Variants in AKAP6 observed in about 807,000 individuals in gnomAD.
The protein encoded by AKAP6 is A-kinase anchor protein 6.
Under a neutral mutation model 188.5 loss-of-function variants are expected in AKAP6, and 58 were observed. That is an observed-to-expected ratio of 0.31 (90% CI 0.25 to 0.38). The LOEUF (loss-of-function observed/expected upper bound fraction) is 0.38. Ranked by LOEUF, AKAP6 falls within the 10% of genes least tolerant of loss-of-function variation. AKAP6 has a pLI of 1.00. For synonymous variants in AKAP6, 989 were observed against 998.6 expected, an observed-to-expected ratio of 0.99 and a Z score of 0.18; for missense variants, 2,710 against 2,740.0, an observed-to-expected ratio of 0.99 and a Z score of 0.24.
intron 4 of AKAP6, among the ~76,000 whole-genome samples, chr14:32,565,500 T>A (rs1484339357): frequency 6.6e-6 from 1 of 152,212 alleles, no homozygotes; most frequent in Non-Finnish European, 1.5e-5. Flanking sequence ...CCATGTCCAC[T>A]GAGCTGCTTT....
chr14:32,807,838 C>A (rs1347219083), intron 12 of AKAP6, among the ~76,000 whole-genome samples: 1 of 152,186 alleles, frequency 6.6e-6, no homozygotes, highest in Non-Finnish European at 1.5e-5. Context: ...AAAGATCATT[C>A]CTTAACTATT....
intron 11 of AKAP6, among the ~76,000 whole-genome samples, chr14:32,748,944 A>G (rs1468704620): frequency 6.6e-6 from 1 of 152,168 alleles, no homozygotes; most frequent in African/African-American, 2.4e-5. Context: ...GTGCACACAC[A>G]AGTGTACACA....
chr14:32,668,471 T>G (rs1427129733), intron 7 of AKAP6, among the ~76,000 whole-genome samples: 3 of 152,132 alleles, frequency 2.0e-5, no homozygotes. Flanking sequence ...GGTGTTAATG[T>G]TAATTTCTCA....
intron 1 of AKAP6, among the ~76,000 whole-genome samples, chr14:32,389,538 T>C (rs1888640415): frequency 6.6e-6 from 1 of 152,156 alleles, no homozygotes; most frequent in African/African-American, 2.4e-5. Context: ...TAGTGGTGGT[T>C]GGTATTGGTG....
chr14:32,511,237 T>G (rs944079231), intron 2 of AKAP6, among the ~76,000 whole-genome samples: 1 of 152,252 alleles, frequency 6.6e-6, no homozygotes, highest in Non-Finnish European at 1.5e-5. Flanking sequence ...TCTAGCTTTC[T>G]CTGTCTTCCA....
chr14:32,759,808 C>A (rs1310179788), intron 11 of AKAP6, among the ~76,000 whole-genome samples: 1 of 152,070 alleles, frequency 6.6e-6, no homozygotes, highest in African/African-American at 2.4e-5. Flanking sequence ...GAAGACAGCA[C>A]CAAATCGTGA....
At chr14:32,397,011 T>A (rs1307619380) in intron 1 of AKAP6, among the ~76,000 whole-genome samples, 1 of 152,080 alleles carries the variant, frequency 6.6e-6, no homozygotes, top group African/African-American at 2.4e-5. Flanking sequence ...TGAAAGACAA[T>A]TTGGCAGGTA....
At chr14:32,723,638 A>T (rs1429925524) in intron 9 of AKAP6, among the ~76,000 whole-genome samples, 6 of 151,340 alleles carry the variant, frequency 4.0e-5, no homozygotes, top group African/African-American at 1.2e-4. Context: ...ACCCATGTTG[A>T]AGCCGTATTT....
intron 12 of AKAP6, among the ~76,000 whole-genome samples, chr14:32,811,648 T>C (rs1486980589): frequency 6.6e-6 from 1 of 152,176 alleles, no homozygotes; most frequent in Non-Finnish European, 1.5e-5. Context: ...AGTGTCAACG[T>C]TGGATTAAAT....
At chr14:32,814,640 C>A (rs147728846) in intron 12 of AKAP6, among the ~76,000 whole-genome samples, 1 of 152,210 alleles carries the variant, frequency 6.6e-6, no homozygotes, top group African/African-American at 2.4e-5. Context: ...CCCTCAGAAC[C>A]TTTCTCCAGA....
intron 9 of AKAP6, among the ~76,000 whole-genome samples, chr14:32,719,999 C>T (rs528761559): frequency 6.6e-6 from 1 of 152,316 alleles, no homozygotes; most frequent in East Asian, 1.9e-4. Flanking sequence ...CAACCATACA[C>T]ATCCATAGTT....
Position 32,823,707 on chromosome 14 carries a change from C to T in AKAP6, c.5894C>T (p.Pro1965Leu). The part of the protein sequence containing the change: ...QDVRHLPKKC[P>L]NHHHFENQST... ...GTTAGACATCTTCCAAAGAAATGTCCAAATCACCACCATTTTGAAAATCAA... is the reference window on the plus strand; with the variant it reads ...GTTAGACATCTTCCAAAGAAATGTCTAAATCACCACCATTTTGAAAATCAA... Residue 1965 changes from proline (P) to leucine (L), a missense_variant, in exon 13 of 14, where the codon CCA (proline) becomes CTA (leucine). Physicochemically the swap from Pro to Leu is moderately conservative, Grantham distance 98 (BLOSUM62 -3). Transcript: ENST00000280979. 1.9e-6 allele frequency: 3 copies of T among 1,613,704 alleles called. No individual in the cohort carries two copies. Among genetic ancestry groups the T allele is most frequent in the South Asian group, 1.1e-5 (1 of 91,050 alleles).
At chr14:32,360,182 C>T (rs1436752739) in intron 1 of AKAP6, among the ~76,000 whole-genome samples, 1 of 151,494 alleles carries the variant, frequency 6.6e-6, no homozygotes, top group African/African-American at 2.4e-5. Context: ...GGCTGGAGTG[C>T]AGTGGTGCAA....
Position 32,568,600 on chromosome 14 carries a change from G to T in AKAP6, c.2347-8520G>T, listed in dbSNP as rs190616020. On this transcript the variant is annotated intron_variant, in intron 4 of 13. Transcript: ENST00000280979. The surrounding 1 kb of genome is among the most constrained non-coding windows in gnomAD (Gnocchi z 6.2). ...GCTTATCCAGTGTCTTGGAGGATTG[G>T]GGGTGCTTGAAGCAAGGTCTCACCT... Among the ~76,000 whole-genome samples the T allele has an allele frequency of 3.5e-4, 54 of 152,204 alleles. No homozygotes were observed. In the East Asian group the frequency reaches 8.5e-3, roughly 24 times the overall value.
intron 1 of AKAP6, among the ~76,000 whole-genome samples, chr14:32,374,613 G>A (rs373570156): frequency 1.6e-4 from 24 of 152,158 alleles, no homozygotes; most frequent in East Asian, 7.7e-4. Context: ...TAGACAACCC[G>A]GAGCCTTCAT....
intron 7 of AKAP6, among the ~76,000 whole-genome samples, chr14:32,631,905 G>C (rs1887288858): frequency 6.6e-6 from 1 of 152,004 alleles, no homozygotes; most frequent in Non-Finnish European, 1.5e-5. Flanking sequence ...ACCAAAGAAG[G>C]CTTTTTGGAC....
intron 7 of AKAP6, among the ~76,000 whole-genome samples, chr14:32,641,035 A>G (rs1887731998): frequency 6.6e-6 from 1 of 152,186 alleles, no homozygotes; most frequent in African/African-American, 2.4e-5. Flanking sequence ...TTCAAGGCAC[A>G]TCATGGATAC....
At chr14:32,495,196 T>C (rs534845153) in intron 2 of AKAP6, 29 of 152,208 alleles carry the variant, frequency 1.9e-4, no homozygotes, top group Non-Finnish European at 3.4e-4. Flanking sequence ...TGTTTTAGAT[T>C]CTGTTTGTAA....
chr14:32,768,909 C>T (rs114071618), intron 11 of AKAP6, among the ~76,000 whole-genome samples: 102 of 151,924 alleles, frequency 6.7e-4, no homozygotes, highest in African/African-American at 2.2e-3. Context: ...TACTGCTTGG[C>T]GTGGGCACCG....
Sources: gnomAD v4.1 joint callset for allele counts (sites outside exome capture counted in the v4.1 genomes callset) on GRCh38, gnomAD v4.1.1 for gene constraint, Gnocchi (gnomAD v3.1) non-coding constraint, MANE v1.5 for transcripts, NCBI Gene and HGNC (gene_info 2026-07-23, HGNC 2026-07-21) for gene names.